The following CTNND2 variants were observed in gnomAD, a reference collection of about 807,000 sequenced individuals.
The protein encoded by CTNND2 is catenin delta 2.
CTNND2 carries 22 observed loss-of-function variants against 144.4 expected under a neutral mutation model. The ratio of observed to expected loss-of-function variants is 0.15; its 90% CI spans 0.11 to 0.22. The LOEUF is 0.22. Ranked by LOEUF, CTNND2 falls within the 10% of genes least tolerant of loss-of-function variation. The pLI is 1.00. For synonymous variants in CTNND2, 751 were observed against 695.6 expected (o/e 1.08, Z -1.25); for missense variants, 1,353 against 1,618.8 (o/e 0.84, Z 2.82).
At chr5:11,588,093 G>A (rs1223112991) in intron 2 of CTNND2, among the ~76,000 whole-genome samples, 3 of 152,096 alleles carry the variant, frequency 2.0e-5, no homozygotes, top group African/African-American at 7.2e-5. Flanking sequence ...CATTTAGAGT[G>A]TTCAAAACAT....
intron 2 of CTNND2, among the ~76,000 whole-genome samples, chr5:11,700,872 A>G (rs917179517): frequency 2.6e-5 from 4 of 152,202 alleles, no homozygotes; most frequent in African/African-American, 7.2e-5. Context: ...AAATTTGAGG[A>G]TTTGGGCTAT....
intron 2 of CTNND2, among the ~76,000 whole-genome samples, chr5:11,626,154 G>A (rs774298114): frequency 6.6e-6 from 1 of 152,062 alleles, no homozygotes; most frequent in South Asian, 2.1e-4. Flanking sequence ...TGGTCACAGA[G>A]ATTTCCATTG....
At chr5:11,720,870 T>C (rs1364936343) in intron 2 of CTNND2, among the ~76,000 whole-genome samples, 1 of 152,200 alleles carries the variant, frequency 6.6e-6, no homozygotes, top group Non-Finnish European at 1.5e-5. Flanking sequence ...GATGTGAAGA[T>C]ATTGTAATCC....
At chr5:11,794,709 T>C (rs1791309935) in intron 1 of CTNND2, among the ~76,000 whole-genome samples, 1 of 152,206 alleles carries the variant, frequency 6.6e-6, no homozygotes, top group African/African-American at 2.4e-5. Flanking sequence ...TTTACAAAAT[T>C]AGAATTTATA....
intron 11 of CTNND2, among the ~76,000 whole-genome samples, chr5:11,189,631 C>CT (rs1736038545): frequency 6.6e-6 from 1 of 152,056 alleles, no homozygotes; most frequent in African/African-American, 2.4e-5. Flanking sequence ...TGTAAATTGA[C>CT]TTTTTATGTT....
At chr5:11,181,750 A>G (rs1442420091) in intron 11 of CTNND2, among the ~76,000 whole-genome samples, 6 of 77,372 alleles carry the variant, frequency 7.8e-5, no homozygotes, top group Non-Finnish European at 1.1e-4. Flanking sequence ...GTGTGTGTGG[A>G]TGTGTGTATG....
At chr5:11,179,814 GATGCTGCGTAAAC>G (rs1725866806) in intron 11 of CTNND2, among the ~76,000 whole-genome samples, 1 of 152,152 alleles carries the variant, frequency 6.6e-6, no homozygotes, top group Admixed American at 6.5e-5. Context: ...ATTCCAAAAT[GATGCTGCGTAAAC>G]ATGGAAGAAC....
At chr5:11,581,151 T>C (rs1246125133) in intron 2 of CTNND2, among the ~76,000 whole-genome samples, 1 of 152,216 alleles carries the variant, frequency 6.6e-6, no homozygotes. Context: ...CTATAAATTT[T>C]TTTTTTCTGA....
Position 10,987,537 on chromosome 5 carries a change from G to A in CTNND2, c.3343+574C>T, listed in dbSNP as rs61751754. On this transcript the variant is annotated intron_variant, in intron 20 of 21. Coordinates refer to ENST00000304623, the MANE Select transcript of CTNND2 (RefSeq NM_001332.4). Reference sequence around the variant, plus strand: ...CATCAGCTCTAAGGAAGCTTCTTTGGGATATGTCACGTAAGAGGTTGTATC... The same window carrying A: ...CATCAGCTCTAAGGAAGCTTCTTTGAGATATGTCACGTAAGAGGTTGTATC... 2.7e-3 allele frequency among the ~76,000 whole-genome samples: 418 copies of A among 152,212 alleles called. 11 individuals carry two copies. Among genetic ancestry groups the A allele is most frequent in the East Asian group, 1.4e-3 (7 of 5,178 alleles).
intron 3 of CTNND2, among the ~76,000 whole-genome samples, chr5:11,534,115 G>A (rs1383952594): frequency 6.6e-6 from 1 of 152,144 alleles, no homozygotes; most frequent in Non-Finnish European, 1.5e-5. Flanking sequence ...CTCCTACCGT[G>A]TTTAGATCAT....
At chr5:11,831,202 AT>A (rs1308000538) in intron 1 of CTNND2, among the ~76,000 whole-genome samples, 1 of 151,010 alleles carries the variant, frequency 6.6e-6, no homozygotes. Flanking sequence ...TTGATATTAT[AT>A]TTTTGTGCCA....
intron 1 of CTNND2, among the ~76,000 whole-genome samples, chr5:11,873,843 C>T (rs942349281): frequency 2.0e-5 from 3 of 152,192 alleles, no homozygotes; most frequent in Admixed American, 1.3e-4. Flanking sequence ...ATGCACTGAC[C>T]TTCAACACAT....
rs972054604 is a variant in CTNND2 at position 11,888,749 on chromosome 5, T to A, written c.37+15068A>T. Among the ~76,000 whole-genome samples, 644 of 82,560 alleles carry A rather than the reference T, an allele frequency of 7.8e-3. 2 individuals are homozygous for A. The highest frequency in any genetic ancestry group is 0.025 in the African/African-American group (597 of 24,334). The allele number at this position is 82,560 out of a possible 152,430, so 54.2% of individuals were successfully genotyped here. ...ATTTTTCAAGTTCTCAGAATGACTC[T>A]TTTTTTTTTTTTTTTTAGATGGAAT... On this transcript the variant is annotated intron_variant, in intron 1 of 21. Coordinates refer to ENST00000304623, the MANE Select transcript of CTNND2 (RefSeq NM_001332.4).
At chr5:11,223,930 C>G (rs1740054845) in intron 10 of CTNND2, among the ~76,000 whole-genome samples, 1 of 152,164 alleles carries the variant, frequency 6.6e-6, no homozygotes, top group East Asian at 1.9e-4. Context: ...AAAATAGATG[C>G]ATATGGCAGC....
chr5:11,091,681 C>T (rs977260420), intron 15 of CTNND2, among the ~76,000 whole-genome samples: 6 of 152,160 alleles, frequency 3.9e-5, no homozygotes, highest in African/African-American at 1.4e-4. Context: ...CATGGTTAGT[C>T]CAGGGCTAAT....
intron 10 of CTNND2, among the ~76,000 whole-genome samples, chr5:11,206,206 G>T (rs957182189): frequency 9.9e-5 from 15 of 152,128 alleles, no homozygotes; most frequent in African/African-American, 3.1e-4. Context: ...TAGGATGTAC[G>T]GTATATATCG....
At chr5:11,801,723 G>A (rs1357627304) in intron 1 of CTNND2, among the ~76,000 whole-genome samples, 1 of 152,056 alleles carries the variant, frequency 6.6e-6, no homozygotes, top group Non-Finnish European at 1.5e-5. Context: ...TATAAAACCA[G>A]CATCTTTTTA....
chr5:11,891,887 A>T (rs1400961598), intron 1 of CTNND2, among the ~76,000 whole-genome samples: 1 of 152,230 alleles, frequency 6.6e-6, no homozygotes, highest in Non-Finnish European at 1.5e-5. Context: ...CTGAGATGAC[A>T]GGGAATATAG....
At chr5:11,381,604 G>A (rs192295860) in intron 7 of CTNND2, among the ~76,000 whole-genome samples, 41 of 152,318 alleles carry the variant, frequency 2.7e-4, no homozygotes, top group African/African-American at 9.9e-4. Flanking sequence ...ACCTATGTCA[G>A]GACAGATTCA....
Sources: gnomAD v4.1 joint callset for allele counts (sites outside exome capture counted in the v4.1 genomes callset) on GRCh38, gnomAD v4.1.1 for gene constraint, MANE v1.5 for transcripts, NCBI Gene and HGNC (gene_info 2026-07-23, HGNC 2026-07-21) for gene names.